The following TENM3 variants were observed in gnomAD, a reference collection of about 807,000 sequenced individuals.
TENM3 encodes the protein teneurin transmembrane protein 3, also known as teneurin-3.
A neutral mutation model predicts 255.1 loss-of-function variants in TENM3; 63 were observed. The ratio of observed to expected loss-of-function variants is 0.25; its 90% CI spans 0.20 to 0.30. The LOEUF (loss-of-function observed/expected upper bound fraction) is 0.30. TENM3 is among the 10% of genes least tolerant of loss of function. TENM3 has a pLI of 1.00. For synonymous variants in TENM3, 1,306 were observed against 1,322.3 expected, an observed-to-expected ratio of 0.99 and a Z score of 0.27; for missense variants, 2,929 against 3,461.1, an observed-to-expected ratio of 0.85 and a Z score of 3.86.
intron 3 of TENM3, among the ~76,000 whole-genome samples, chr4:182,574,864 T>G (rs564371892): frequency 6.6e-6 from 1 of 152,190 alleles, no homozygotes; most frequent in East Asian, 1.9e-4. Flanking sequence ...CCCAGACATA[T>G]AGCCATATGT....
the TENM3 span, among the ~76,000 whole-genome samples, chr4:181,694,962 A>C: frequency 6.6e-6 from 1 of 151,412 alleles, no homozygotes; most frequent in East Asian, 1.9e-4. Context: ...TTCTCTCTCC[A>C]TACTCTTCAG....
the TENM3 span, among the ~76,000 whole-genome samples, chr4:181,897,854 CT>C: frequency 3.3e-5 from 5 of 152,306 alleles, no homozygotes; most frequent in East Asian, 9.6e-4. Context: ...TCTTCCCCTT[CT>C]TTTCTTTTCT....
At chr4:181,652,672 T>G in the TENM3 span, among the ~76,000 whole-genome samples, 1 of 152,216 alleles carries the variant, frequency 6.6e-6, no homozygotes, top group Admixed American at 6.5e-5. Flanking sequence ...CCCCTTCATC[T>G]AGAAACATCT....
the TENM3 span, among the ~76,000 whole-genome samples, chr4:181,707,195 A>G: frequency 6.6e-6 from 1 of 152,188 alleles, no homozygotes; most frequent in Non-Finnish European, 1.5e-5. Context: ...GGTTACCTGG[A>G]AAGTAGCAAC....
At chr4:182,701,209 A>G (rs1178004275) in intron 12 of TENM3, among the ~76,000 whole-genome samples, 1 of 23,858 alleles carries the variant, frequency 4.2e-5, no homozygotes, top group Non-Finnish European at 9.0e-5. Flanking sequence ...CCAACTCTTG[A>G]CTTTTTTTTT....
chr4:182,553,550 AAAAG>A (rs989445150), intron 3 of TENM3, among the ~76,000 whole-genome samples: 6 of 152,144 alleles, frequency 3.9e-5, no homozygotes, highest in African/African-American at 1.2e-4. Context: ...TTTAAAAAAA[AAAAG>A]AAAATTGAAA....
At chr4:181,921,878 A>G in the TENM3 span, among the ~76,000 whole-genome samples, 1 of 152,174 alleles carries the variant, frequency 6.6e-6, no homozygotes, top group African/African-American at 2.4e-5. Context: ...GGTTTGTCAT[A>G]GATAGCTCTT....
chr4:181,721,599 C>CAA, the TENM3 span, among the ~76,000 whole-genome samples: 5 of 25,590 alleles, frequency 2.0e-4, no homozygotes, highest in African/African-American at 5.6e-4. Context: ...GACTCCGTCT[C>CAA]AAAAAAAAAA....
At chr4:182,474,984 G>C (rs1231986788) in intron 3 of TENM3, among the ~76,000 whole-genome samples, 2 of 152,122 alleles carry the variant, frequency 1.3e-5, no homozygotes, top group Non-Finnish European at 2.9e-5. Flanking sequence ...ACACACTTCA[G>C]CTCTTCAAAA....
chr4:182,267,168 T>G (rs548675570), intron 1 of TENM3, among the ~76,000 whole-genome samples: 39 of 152,302 alleles, frequency 2.6e-4, no homozygotes, highest in African/African-American at 8.9e-4. Context: ...TAATCCTTTG[T>G]TTTTCAGAGT....
intron 3 of TENM3, among the ~76,000 whole-genome samples, chr4:182,491,930 A>G (rs1349055315): frequency 6.6e-6 from 1 of 152,226 alleles, no homozygotes; most frequent in African/African-American, 2.4e-5. Context: ...TGTTCCAGGT[A>G]AAGTGCACCT....
intron 1 of TENM3, among the ~76,000 whole-genome samples, chr4:182,249,036 A>G (rs1669042706): frequency 6.6e-6 from 1 of 152,212 alleles, no homozygotes; most frequent in Non-Finnish European, 1.5e-5. Flanking sequence ...GTGAATTTTC[A>G]GAACAACCCT....
At chr4:182,784,489 G>A (rs1435465862) in intron 24 of TENM3, among the ~76,000 whole-genome samples, 1 of 151,460 alleles carries the variant, frequency 6.6e-6, no homozygotes, top group African/African-American at 2.4e-5. Flanking sequence ...AGTCTGCAGA[G>A]GTTACTGCTG....
At chr4:182,321,642 T>A (rs1763060049) in intron 1 of TENM3, among the ~76,000 whole-genome samples, 1 of 139,472 alleles carries the variant, frequency 7.2e-6, no homozygotes, top group African/African-American at 2.7e-5. Flanking sequence ...ATAATAATAA[T>A]AATAATAAAA....
intron 3 of TENM3, among the ~76,000 whole-genome samples, chr4:182,539,209 T>C (rs1740625319): frequency 1.3e-5 from 2 of 150,794 alleles, no homozygotes; most frequent in Admixed American, 1.3e-4. Context: ...TGCTGAGAGA[T>C]GAAGAGTGCA....
the TENM3 span, among the ~76,000 whole-genome samples, chr4:181,742,726 G>T: frequency 6.6e-6 from 1 of 151,672 alleles, no homozygotes; most frequent in African/African-American, 2.4e-5. Flanking sequence ...TGCACAATGT[G>T]CAGGTTAGCT....
At chr4:182,326,910 T>C (rs1763449387) in intron 2 of TENM3, among the ~76,000 whole-genome samples, 2 of 152,176 alleles carry the variant, frequency 1.3e-5, no homozygotes, top group Admixed American at 6.5e-5. Flanking sequence ...ACTGTAGGCA[T>C]ATTTAGGAAA....
At position 182,688,260 on chromosome 4, in the gene TENM3, A is replaced by G. The variant is rs757782676; in HGVS notation, c.2130A>G (p.Arg710=). 1.2e-6 allele frequency: 2 copies of G among 1,613,780 alleles called. No homozygotes were observed. The highest frequency in any genetic ancestry group is 2.7e-5 in the African/African-American group (2 of 74,884). ...EGWTGPACNQ[R]ACHPRCAEHG... ...GGACGGGCCCAGCCTGTAATCAGAGAGCCTGCCACCCCCGCTGTGCCGAGC... is the reference window on the plus strand; with the variant it reads ...GGACGGGCCCAGCCTGTAATCAGAGGGCCTGCCACCCCCGCTGTGCCGAGC... The change falls in exon 12 of 28, where the codon AGA becomes AGG. Residue 710 remains arginine, a synonymous_variant. Transcript: ENST00000511685.
At chr4:182,408,829 A>G (rs1220913804) in intron 3 of TENM3, among the ~76,000 whole-genome samples, 2 of 152,226 alleles carry the variant, frequency 1.3e-5, no homozygotes, top group African/African-American at 4.8e-5. Flanking sequence ...GCACACTCAA[A>G]AAATGAATCA....
Sources: allele counts gnomAD v4.1 joint callset (sites outside exome capture counted in the v4.1 genomes callset), GRCh38; gene constraint gnomAD v4.1.1; transcripts MANE v1.5; gene names NCBI Gene and HGNC (gene_info 2026-07-23, HGNC 2026-07-21).